The following KLF12 variants were observed in gnomAD, a reference collection of about 807,000 sequenced individuals.
The protein encoded by KLF12 is KLF transcription factor 12.
Under a neutral mutation model 37.8 loss-of-function variants are expected in KLF12, and 9 were observed. That is an observed-to-expected ratio of 0.24 (90% CI 0.14 to 0.42). The LOEUF (loss-of-function observed/expected upper bound fraction) is 0.42. Among genes scored for constraint, KLF12 ranks in the 10% least tolerant of loss-of-function variants. The pLI is 1.00. For synonymous variants in KLF12, 208 were observed against 202.1 expected, an observed-to-expected ratio of 1.03 and a Z score of -0.25; for missense variants, 411 against 516.0, an observed-to-expected ratio of 0.80 and a Z score of 1.97.
At chr13:73,779,550 G>A (rs117425516) in intron 5 of KLF12, among the ~76,000 whole-genome samples, 272 of 152,290 alleles carry the variant, frequency 1.8e-3, no homozygotes, top group Middle Eastern at 3.4e-3. Context: ...CTGGCTGCCC[G>A]AGTTGCATCC....
intron 5 of KLF12, among the ~76,000 whole-genome samples, chr13:73,786,625 G>A (rs1881361620): frequency 2.6e-5 from 4 of 152,166 alleles, no homozygotes; most frequent in African/African-American, 9.6e-5. Context: ...GCTCATGCCT[G>A]TAATTCCAAC....
At chr13:74,102,730 G>A (rs1164489859) in intron 1 of KLF12, among the ~76,000 whole-genome samples, 1 of 152,058 alleles carries the variant, frequency 6.6e-6, no homozygotes, top group African/African-American at 2.4e-5. Flanking sequence ...ATCACTGGCT[G>A]AGGGTCATCC....
intron 1 of KLF12, among the ~76,000 whole-genome samples, chr13:74,102,228 A>G (rs1009127939): frequency 2.5e-5 from 3 of 118,946 alleles, no homozygotes; most frequent in African/African-American, 5.7e-5. Context: ...AAAAAAAAGA[A>G]AAAAAAAAAA....
chr13:74,274,181 C>A, the KLF12 span, among the ~76,000 whole-genome samples: 1 of 152,064 alleles, frequency 6.6e-6, no homozygotes, highest in Admixed American at 6.6e-5. Flanking sequence ...TTATATTTAA[C>A]CTAAATCCCT....
In KLF12 at chr13:73,688,815, A is replaced by G. The variant is rs1475994173; in HGVS notation, c.*6675T>C. 1 of 152,128 alleles carries G rather than the reference A, an allele frequency of 6.6e-6. No homozygotes were observed. Among genetic ancestry groups the G allele is most frequent in the Admixed American group, 6.6e-5 (1 of 15,264 alleles). The allele number at this position is 152,128 out of a possible 1,614,324, so 9.4% of individuals were successfully genotyped here. A position where few individuals can be genotyped will look rare whatever the true frequency, so the allele number is the denominator to read the frequency against. On this transcript the variant is annotated 3_prime_UTR_variant, in exon 8 of 8. Transcript: ENST00000377669. ...CATAATAAAATTACTGAGAGTCAGGAATCTGGGAAGGTGGTTTCGGGACAC... is the reference window on the plus strand; with the variant it reads ...CATAATAAAATTACTGAGAGTCAGGGATCTGGGAAGGTGGTTTCGGGACAC...
intron 1 of KLF12, among the ~76,000 whole-genome samples, chr13:74,047,675 A>G (rs937604302): frequency 1.4e-5 from 2 of 138,760 alleles, no homozygotes; most frequent in African/African-American, 5.8e-5. Flanking sequence ...TTGATAGCCT[A>G]AGATAAAGCA....
At chr13:73,808,292 CA>C (rs1882750797) in intron 5 of KLF12, among the ~76,000 whole-genome samples, 1 of 151,786 alleles carries the variant, frequency 6.6e-6, no homozygotes, top group Non-Finnish European at 1.5e-5. Flanking sequence ...GTATCTATTA[CA>C]ATTGAAATAG....
chr13:73,887,706 T>C (rs1050831053), intron 3 of KLF12, among the ~76,000 whole-genome samples: 10 of 137,640 alleles, frequency 7.3e-5, no homozygotes, highest in African/African-American at 2.8e-4. Flanking sequence ...AAAAGGTTCA[T>C]TTTGTTCACA....
chr13:73,853,734 G>C (rs1885456185), intron 3 of KLF12, among the ~76,000 whole-genome samples: 1 of 87,310 alleles, frequency 1.1e-5, no homozygotes, highest in Non-Finnish European at 2.9e-5. Context: ...GTGAGACCCT[G>C]TCTAAAAAAA....
intron 3 of KLF12, among the ~76,000 whole-genome samples, chr13:73,846,949 T>C (rs974261745): frequency 6.6e-6 from 1 of 152,190 alleles, no homozygotes; most frequent in African/African-American, 2.4e-5. Context: ...TAGGAAATAA[T>C]AATTTAAGAA....
At position 73,688,275 on chromosome 13, in the gene KLF12, TAAC is replaced by T. The variant is rs1873613774; in HGVS notation, c.*7212_*7214del. 6.6e-6 allele frequency: 1 copy of T among 152,624 alleles called. No homozygotes were observed. Among genetic ancestry groups the T allele is most frequent in the South Asian group, 2.1e-4 (1 of 4,826 alleles). 9.5% of individuals were successfully genotyped at this position (152,624 alleles called of 1,614,324 possible). On this transcript the variant is annotated 3_prime_UTR_variant, in exon 8 of 8. Coordinates refer to ENST00000377669, the MANE Select transcript of KLF12 (RefSeq NM_007249.5). ...CTTCTTACATAAAATTCAATTAAAC[TAAC>T]AACAATACTATAAACAAATTATTTA...
At chr13:74,239,315 A>T in the KLF12 span, among the ~76,000 whole-genome samples, 1 of 150,278 alleles carries the variant, frequency 6.7e-6, no homozygotes, top group Non-Finnish European at 1.5e-5. Context: ...ATAGTTTGTT[A>T]TAATTTCTGT....
chr13:74,090,100 A>C (rs1056866147), intron 1 of KLF12, among the ~76,000 whole-genome samples: 3 of 152,102 alleles, frequency 2.0e-5, no homozygotes, highest in Non-Finnish European at 4.4e-5. Context: ...AAGTTGCAGA[A>C]TACTAACTCA....
rs10679066 is a variant in KLF12 at position 73,697,088 on chromosome 13, A to AACACACACACACAC, written c.1028-1431_1028-1418dup. On this transcript the variant is annotated intron_variant, in intron 7 of 7. Coordinates refer to ENST00000377669, the MANE Select transcript of KLF12 (RefSeq NM_007249.5). ...TACTTGAATGTATTAATACAACTGC[A>AACACACACACACAC]ACACACACACACACACACACACACA... Among the ~76,000 whole-genome samples the AACACACACACACAC allele has an allele frequency of 5.1e-3, 768 of 149,650 alleles. 8 individuals carry two copies. Among genetic ancestry groups the AACACACACACACAC allele is most frequent in the African/African-American group, 0.018 (732 of 40,754 alleles).
chr13:73,799,247 G>C (rs1487515142), intron 5 of KLF12, among the ~76,000 whole-genome samples: 1 of 151,974 alleles, frequency 6.6e-6, no homozygotes, highest in African/African-American at 2.4e-5. Flanking sequence ...CAGACACTGG[G>C]GTCTACCTGA....
chr13:73,833,819 G>A lies in KLF12; in HGVS notation c.670+12008C>T, dbSNP rs1269654907. The stretch of plus-strand genomic sequence containing the variant: ...GGGAGGGGTAGTATGTGAGGTAGAT[G>A]TGAGGACGTGCGGAGGCTTGCTGGT... On this transcript the variant is annotated intron_variant, in intron 4 of 7. Transcript: ENST00000377669. 2.6e-5 allele frequency among the ~76,000 whole-genome samples: 4 copies of A among 152,152 alleles called. No homozygotes were observed. The East Asian group carries it at 5.8e-4, about 22-fold the overall frequency.
In KLF12 at chr13:73,989,609, T is replaced by C. The variant is rs534014065; in HGVS notation, c.33+5381A>G. 3.9e-5 allele frequency among the ~76,000 whole-genome samples: 6 copies of C among 152,292 alleles called. No homozygotes were observed. The South Asian group carries it at 8.3e-4, about 21-fold the overall frequency. On this transcript the variant is annotated intron_variant, in intron 2 of 7. Transcript: ENST00000377669. ...GCAGACTCTGGAAATGACACCCTTA[T>C]TTACACAGTATTTGAAATAACAAAA...
intron 6 of KLF12, among the ~76,000 whole-genome samples, chr13:73,727,634 C>T (rs1876755927): frequency 6.6e-6 from 1 of 151,820 alleles, no homozygotes; most frequent in Non-Finnish European, 1.5e-5. Flanking sequence ...AACATTATTC[C>T]TCCCAATTTA....
chr13:73,741,336 G>A (rs1877966035), intron 6 of KLF12, among the ~76,000 whole-genome samples: 1 of 151,708 alleles, frequency 6.6e-6, no homozygotes, highest in African/African-American at 2.4e-5. Context: ...CCCTGACCCC[G>A]GGAGAGCTAC....
Sources: gnomAD v4.1 joint callset for allele counts (sites outside exome capture counted in the v4.1 genomes callset) on GRCh38, gnomAD v4.1.1 for gene constraint, MANE v1.5 for transcripts, NCBI Gene and HGNC (gene_info 2026-07-23, HGNC 2026-07-21) for gene names.